The following MROH1 variants were observed in gnomAD, a reference collection of about 807,000 sequenced individuals.
MROH1 encodes maestro heat like repeat family member 1.
A neutral mutation model predicts 116.5 loss-of-function variants in MROH1; 117 were observed. The ratio of observed to expected loss-of-function variants is 1.00; its 90% CI spans 0.86 to 1.17. The LOEUF (loss-of-function observed/expected upper bound fraction) is 1.17. Ranked by LOEUF, MROH1 falls within the 50% of genes most tolerant of loss-of-function variation. The probability of loss-of-function intolerance (pLI) is 0.00; values close to 1 mark genes in which losing one functional copy is unlikely to be tolerated. For missense variants in MROH1, 1,873 were observed against 1,338.5 expected (o/e 1.40, Z -6.23); for synonymous variants, 921 against 583.9 (o/e 1.58, Z -8.32).
At chr8:144,244,038 G>A (rs1016703352) in intron 26 of MROH1, 96 bp downstream of exon 26, 321 of 724,136 alleles carry the variant, frequency 4.4e-4, no homozygotes, top group Non-Finnish European at 6.6e-4. Context: ...GTGCATGTGC[G>A]TGTGTGTGCC....
intron 3 of MROH1, among the ~76,000 whole-genome samples, chr8:144,166,830 C>T (rs568693521): frequency 2.0e-5 from 3 of 152,292 alleles, no homozygotes; most frequent in South Asian, 2.1e-4. Context: ...TGCTTCCACA[C>T]GTGAACGGCC....
In MROH1 at chr8:144,258,852, G is replaced by C; in HGVS notation, c.3867G>C (p.Glu1289Asp). The change falls in exon 36 of 44, where the codon GAG becomes GAC. Residue 1289 changes from glutamate (E) to aspartate (D), a missense_variant. Glu to Asp is a conservative substitution (Grantham distance 45). Coordinates refer to ENST00000326134, the MANE Select transcript of MROH1 (RefSeq NM_032450.3). ...SEDVVQRMDL[E>D]GGWELLRTSA... ...ATGTGGTACAGCGCATGGACCTGGA[G>C]GGAGGCTGGGAACTGCTCAGGACCT... 1.3e-6 allele frequency: 1 copy of C among 769,834 alleles called. No individual in the cohort carries two copies. The highest frequency in any genetic ancestry group is 1.4e-5 in the South Asian group (1 of 72,754). The allele number at this position is 769,834 out of a possible 1,614,324, so 47.7% of individuals were successfully genotyped here.
chr8:144,196,005 T>C (rs1367944151), intron 10 of MROH1, among the ~76,000 whole-genome samples: 1 of 152,094 alleles, frequency 6.6e-6, no homozygotes, highest in Non-Finnish European at 1.5e-5. Flanking sequence ...ATTCAGTGAT[T>C]AGTGGCCGGG....
intron 14 of MROH1, among the ~76,000 whole-genome samples, chr8:144,228,151 C>T (rs1564522409): frequency 6.6e-6 from 1 of 150,944 alleles, no homozygotes; most frequent in Non-Finnish European, 1.5e-5. Flanking sequence ...GGGAGGATTG[C>T]TTGAGCACAG....
Position 144,191,783 on chromosome 8 carries a change from G to C in MROH1, c.783G>C (p.Glu261Asp). The C allele has an allele frequency of 1.9e-6, 3 of 1,613,376 alleles. No homozygotes were observed. The highest frequency in any genetic ancestry group is 2.5e-6 in the Non-Finnish European group (3 of 1,179,828). ...SHLLPSERLE[E>D]QLPKLLPGIL... ...TGCTGCCCAGTGAGAGGCTGGAAGA[G>C]CAGCTGCCCAAGCTCCTCCCTGGGA... Residue 261 changes from glutamate (E) to aspartate (D), a missense_variant, in exon 9 of 44, where the codon GAG (glutamate) becomes GAC (aspartate). Physicochemically the swap from Glu to Asp is conservative, Grantham distance 45. Transcript: ENST00000326134.
At chr8:144,169,372 A>C (rs1443619066) in intron 4 of MROH1, among the ~76,000 whole-genome samples, 1 of 152,050 alleles carries the variant, frequency 6.6e-6, no homozygotes, top group East Asian at 1.9e-4. Context: ...TTCCTGGGGC[A>C]GGGTCTCTCC....
chr8:144,159,463 T>C (rs1818961109), intron 1 of MROH1, among the ~76,000 whole-genome samples: 1 of 152,224 alleles, frequency 6.6e-6, no homozygotes, highest in Admixed American at 6.5e-5. Flanking sequence ...ATTTTGAAGC[T>C]CTGTTACCAG....
chr8:144,148,148 G>A (rs1380589758), intron 1 of MROH1, 72 bp downstream of exon 1: 1 of 152,388 alleles, frequency 6.6e-6, no homozygotes, highest in Non-Finnish European at 1.5e-5. Flanking sequence ...GGGCTGAAGA[G>A]CCTGGGGCGG....
At chr8:144,170,205 G>A (rs1183156511) in intron 4 of MROH1, among the ~76,000 whole-genome samples, 1 of 152,170 alleles carries the variant, frequency 6.6e-6, no homozygotes, top group East Asian at 1.9e-4. Context: ...GATCTGAGAA[G>A]GACTTTGCTC....
rs977837032 is a variant in MROH1, at chr8:144,239,385, C to A, written c.1632+22C>A. 483 of 780,418 alleles carry A rather than the reference C, an allele frequency of 6.2e-4. 3 individuals are homozygous for A. Among genetic ancestry groups the A allele is most frequent in the Non-Finnish European group, 4.5e-5 (19 of 417,884 alleles). The allele number at this position is 780,418 out of a possible 1,614,324, so 48.3% of individuals were successfully genotyped here. On this transcript the variant is annotated intron_variant, in intron 17 of 43. Transcript: ENST00000326134. ...GTTGGTGAGCCTCGCCCTTTCACAG[C>A]GTGCCCAGCGCCCCACTCTGTGTCC... is the stretch of plus-strand genomic sequence containing the variant.
chr8:144,209,318 C>A (rs1018864674), intron 12 of MROH1, among the ~76,000 whole-genome samples: 1 of 151,934 alleles, frequency 6.6e-6, no homozygotes, highest in Non-Finnish European at 1.5e-5. Context: ...GTGGCTCAAA[C>A]GCCTGTAATC....
At chr8:144,167,739 C>T (rs1454690758) in intron 3 of MROH1, among the ~76,000 whole-genome samples, 1 of 152,176 alleles carries the variant, frequency 6.6e-6, no homozygotes, top group Non-Finnish European at 1.5e-5. Flanking sequence ...GGACTGAGAG[C>T]CATAGGATGA....
intron 4 of MROH1, among the ~76,000 whole-genome samples, chr8:144,172,923 C>T (rs915079937): frequency 6.6e-6 from 1 of 151,952 alleles, no homozygotes; most frequent in Non-Finnish European, 1.5e-5. Flanking sequence ...TTCCCTGGGC[C>T]GTGGTCAGTC....
chr8:144,261,697 CG>C lies in MROH1; in HGVS notation c.4884del (p.Arg1629GlyfsTer10). On this transcript the variant is annotated frameshift_variant, in exon 44 of 44. Transcript: ENST00000326134. LOFTEE classifies it high-confidence loss of function. Reference protein sequence around the residue: ...LLKDPAPEVRTRAAEALGRLV... With the variant: ...LLKDPAPEVRXRAAEALGRLV... ...AAGGACCCGGCCCCCGAGGTGCGGA[CG>C]AGGGCTGCTGAGGCCCTGGGCCGCC... 1 of 728,136 alleles carries C rather than the reference CG, an allele frequency of 1.4e-6. No individual in the cohort carries two copies. The highest frequency in any genetic ancestry group is 1.5e-5 in the South Asian group (1 of 68,928). 45.1% of individuals were successfully genotyped at this position (728,136 alleles called of 1,614,324 possible).
chr8:144,244,434 C>G lies in MROH1; in HGVS notation c.2671-10C>G, dbSNP rs1841540054. Reference sequence around the variant, plus strand: ...ACTGGTGGGGCTGGACGGCCTGGCTCTCCTTCCAGTCCCTGTATCTGGAGA... The same window carrying G: ...ACTGGTGGGGCTGGACGGCCTGGCTGTCCTTCCAGTCCCTGTATCTGGAGA... On this transcript the variant is annotated splice_polypyrimidine_tract_variant and intron_variant, in intron 27 of 43. Transcript: ENST00000326134. The G allele has an allele frequency of 2.7e-6, 2 of 750,946 alleles. No individual in the cohort carries two copies. The highest frequency in any genetic ancestry group is 1.4e-5 in the South Asian group (1 of 70,038). 46.5% of individuals were successfully genotyped at this position (750,946 alleles called of 1,614,324 possible). A position where few individuals can be genotyped will look rare whatever the true frequency, so the allele number is the denominator to read the frequency against.
At chr8:144,220,483 T>C (rs1014535843) in intron 12 of MROH1, 117 bp from the exon 13 acceptor site, 23 of 768,496 alleles carry the variant, frequency 3.0e-5, no homozygotes, top group East Asian at 1.1e-4. Flanking sequence ...GCTTTCCTTA[T>C]GCTCCCTCTT....
intron 33 of MROH1, chr8:144,254,598 G>A: frequency 1.7e-6 from 1 of 571,960 alleles, no homozygotes; most frequent in Non-Finnish European, 3.1e-6. Context: ...ATTTTTCTCT[G>A]TGTCCTTTAT....
In MROH1 at chr8:144,163,826, C is replaced by T; in HGVS notation, c.-1C>T. The stretch of plus-strand genomic sequence containing the variant: ...GGGTGAAGGAAGCTGAAACCACAGA[C>T]ATGACTGAGTCCTCCATGAAGAGTG... On this transcript the variant is annotated 5_prime_UTR_variant, in exon 3 of 44. Coordinates refer to ENST00000326134, the MANE Select transcript of MROH1 (RefSeq NM_032450.3). The surrounding 1 kb of genome is among the most constrained non-coding windows in gnomAD (Gnocchi z 4.4). The T allele has an allele frequency of 6.2e-7, 1 of 1,613,642 alleles. No homozygotes were observed. Among genetic ancestry groups the T allele is most frequent in the Non-Finnish European group, 8.5e-7 (1 of 1,179,682 alleles).
chr8:144,229,879 CA>C (rs1370998216), intron 14 of MROH1, among the ~76,000 whole-genome samples: 39 of 152,098 alleles, frequency 2.6e-4, no homozygotes, highest in African/African-American at 9.4e-4. Context: ...ACTAAAAATA[CA>C]AAAATTAGCT....
Sources: allele counts gnomAD v4.1 joint callset (sites outside exome capture counted in the v4.1 genomes callset), GRCh38; gene constraint gnomAD v4.1.1; non-coding constraint Gnocchi (gnomAD v3.1); transcripts MANE v1.5; gene names NCBI Gene and HGNC (gene_info 2026-07-23, HGNC 2026-07-21).